The following PSD3 variants were observed in gnomAD, a reference collection of about 807,000 sequenced individuals.
PSD3 encodes the protein PH and SEC7 domain-containing protein 3.
Under a neutral mutation model 105.5 loss-of-function variants are expected in PSD3, and 49 were observed. That is an observed-to-expected ratio of 0.46 (90% CI 0.37 to 0.59). The LOEUF (loss-of-function observed/expected upper bound fraction) is 0.59. PSD3 is among the 20% of genes least tolerant of loss of function. PSD3 has a pLI of 0.00. For synonymous variants in PSD3, 557 were observed against 457.8 expected, an observed-to-expected ratio of 1.22 and a Z score of -2.77; for missense variants, 1,561 against 1,263.8, an observed-to-expected ratio of 1.24 and a Z score of -3.57.
chr8:18,724,225 A>G (rs1351968768), intron 9 of PSD3, among the ~76,000 whole-genome samples: 1 of 152,218 alleles, frequency 6.6e-6, no homozygotes, highest in Non-Finnish European at 1.5e-5. Flanking sequence ...CAAGGCTATT[A>G]CAGCGGTCTA....
At chr8:19,049,886 C>T (rs929399205) in intron 1 of PSD3, among the ~76,000 whole-genome samples, 1 of 152,116 alleles carries the variant, frequency 6.6e-6, no homozygotes, top group African/African-American at 2.4e-5. Context: ...CTGCCACTTA[C>T]AGTGTAACCT....
chr8:18,752,152 G>C (rs1031142874), intron 9 of PSD3, among the ~76,000 whole-genome samples: 6 of 151,780 alleles, frequency 4.0e-5, no homozygotes, highest in African/African-American at 1.2e-4. Flanking sequence ...CTGAATATCT[G>C]ATCATAGGTA....
intron 10 of PSD3, among the ~76,000 whole-genome samples, chr8:18,641,258 C>T (rs1052925589): frequency 2.0e-5 from 3 of 152,168 alleles, no homozygotes; most frequent in Non-Finnish European, 4.4e-5. Flanking sequence ...CAAGTCCCTG[C>T]TCTCCTCCAG....
intron 11 of PSD3, among the ~76,000 whole-genome samples, chr8:18,614,710 C>T (rs1300100961): frequency 6.6e-6 from 1 of 152,038 alleles, no homozygotes; most frequent in Non-Finnish European, 1.5e-5. Flanking sequence ...CTCACTGCAG[C>T]CTCCAATTGC....
chr8:18,720,628 T>C (rs1802906016), intron 9 of PSD3, among the ~76,000 whole-genome samples: 1 of 152,172 alleles, frequency 6.6e-6, no homozygotes, highest in African/African-American at 2.4e-5. Context: ...AAGTACATAC[T>C]GAATGTGCCA....
At chr8:18,868,247 A>C (rs1274014486) in intron 3 of PSD3, among the ~76,000 whole-genome samples, 178 bp from the exon 4 acceptor site, 2 of 152,182 alleles carry the variant, frequency 1.3e-5, no homozygotes, top group African/African-American at 2.4e-5. Flanking sequence ...AATTCTTGGC[A>C]TGCATGTGGC....
At chr8:18,565,604 C>G (rs1801688441) in intron 14 of PSD3, among the ~76,000 whole-genome samples, 1 of 152,200 alleles carries the variant, frequency 6.6e-6, no homozygotes, top group Non-Finnish European at 1.5e-5. Context: ...TCTAATTTTT[C>G]CCCACACTGT....
At chr8:18,822,344 G>A (rs1264167586) in intron 4 of PSD3, among the ~76,000 whole-genome samples, 7 of 152,088 alleles carry the variant, frequency 4.6e-5, no homozygotes, top group Non-Finnish European at 1.5e-5. Context: ...ACATCATTCA[G>A]GCATCACTTG....
At chr8:18,951,708 G>A (rs1175191416) in intron 1 of PSD3, among the ~76,000 whole-genome samples, 1 of 152,158 alleles carries the variant, frequency 6.6e-6, no homozygotes, top group Non-Finnish European at 1.5e-5. Flanking sequence ...AAATGGGCCA[G>A]GCACAGTGGC....
At chr8:18,895,063 G>A (rs1408378777) in intron 2 of PSD3, among the ~76,000 whole-genome samples, 3 of 152,224 alleles carry the variant, frequency 2.0e-5, no homozygotes, top group African/African-American at 4.8e-5. Context: ...AGACACCAAC[G>A]GAAAACAGGA....
intron 2 of PSD3, among the ~76,000 whole-genome samples, chr8:18,890,347 T>C (rs1051482150): frequency 2.4e-4 from 37 of 152,320 alleles, no homozygotes; most frequent in Admixed American, 2.1e-3. Flanking sequence ...TTTTGTATTT[T>C]AGTCTGTTGT....
At chr8:18,941,427 G>T (rs201071719) in intron 1 of PSD3, among the ~76,000 whole-genome samples, 3 of 83,940 alleles carry the variant, frequency 3.6e-5, no homozygotes, top group South Asian at 3.7e-4. Context: ...ACTTCACTAC[G>T]GGAGCAGTAA....
At chr8:18,545,692 G>T (rs568120627) in intron 15 of PSD3, among the ~76,000 whole-genome samples, 54 of 152,148 alleles carry the variant, frequency 3.5e-4, no homozygotes, top group Non-Finnish European at 6.8e-4. Flanking sequence ...TTAATATAGG[G>T]CACGTGGTTA....
chr8:18,830,021 G>T (rs959793718), intron 4 of PSD3, among the ~76,000 whole-genome samples: 1 of 151,908 alleles, frequency 6.6e-6, no homozygotes, highest in East Asian at 1.9e-4. Flanking sequence ...AGCCTGGAGC[G>T]CAGCGGTACA....
At chr8:18,883,361 T>A (rs537800210) in intron 2 of PSD3, among the ~76,000 whole-genome samples, 8 of 152,184 alleles carry the variant, frequency 5.3e-5, no homozygotes, top group Non-Finnish European at 7.3e-5. Flanking sequence ...AAACACTTGA[T>A]CATTCTGGTC....
intron 2 of PSD3, among the ~76,000 whole-genome samples, chr8:18,905,604 G>C (rs925331376): frequency 1.3e-5 from 2 of 152,178 alleles, no homozygotes; most frequent in Non-Finnish European, 2.9e-5. Flanking sequence ...TTATAGGCGT[G>C]AGCCACCACA....
chr8:18,531,803 T>C lies in PSD3; in HGVS notation c.*3940A>G, dbSNP rs962304954. Reference sequence around the variant, plus strand: ...GCCACTTTGGTTCTTTGTTTTACAGTGCTAATTTTACAATTGGAAAAAATT... The same window carrying C: ...GCCACTTTGGTTCTTTGTTTTACAGCGCTAATTTTACAATTGGAAAAAATT... On this transcript the variant is annotated 3_prime_UTR_variant, in exon 16 of 16. Coordinates refer to ENST00000327040, the MANE Select transcript of PSD3 (RefSeq NM_015310.4). 3 of 152,238 alleles carry C rather than the reference T, an allele frequency of 2.0e-5. No individual in the cohort carries two copies. The highest frequency in any genetic ancestry group is 2.9e-5 in the Non-Finnish European group (2 of 68,040). 9.4% of individuals were successfully genotyped at this position (152,238 alleles called of 1,614,324 possible). A position where few individuals can be genotyped will look rare whatever the true frequency, so the allele number is the denominator to read the frequency against.
chr8:19,054,503 C>T (rs1453938408), intron 1 of PSD3, among the ~76,000 whole-genome samples: 1 of 152,104 alleles, frequency 6.6e-6, no homozygotes, highest in Non-Finnish European at 1.5e-5. Flanking sequence ...ATTCCCAGAG[C>T]TCTATAATCA....
intron 2 of PSD3, among the ~76,000 whole-genome samples, chr8:18,933,804 T>C (rs1426195159): frequency 1.3e-5 from 2 of 152,182 alleles, no homozygotes; most frequent in Non-Finnish European, 2.9e-5. Context: ...GGGATAACTA[T>C]AATCAGTACC....
Sources: allele counts gnomAD v4.1 joint callset (sites outside exome capture counted in the v4.1 genomes callset), GRCh38; gene constraint gnomAD v4.1.1; transcripts MANE v1.5; gene names NCBI Gene and HGNC (gene_info 2026-07-23, HGNC 2026-07-21).